Variants in GRAMD4 observed in about 807,000 individuals in gnomAD.
GRAMD4 encodes the protein GRAM domain containing 4.
Under a neutral mutation model 83.9 loss-of-function variants are expected in GRAMD4, and 25 were observed. The observed-to-expected ratio is 0.30, with a 90% CI of 0.22 to 0.42. The LOEUF (loss-of-function observed/expected upper bound fraction) is 0.42, where lower values mean the gene tolerates loss of function less well. Ranked by LOEUF, GRAMD4 falls within the 10% of genes least tolerant of loss-of-function variation. The probability of loss-of-function intolerance (pLI) is 1.00; values close to 1 mark genes in which losing one functional copy is unlikely to be tolerated. For synonymous variants in GRAMD4, 336 were observed against 320.9 expected (o/e 1.05, Z -0.50); for missense variants, 593 against 788.7 (o/e 0.75, Z 2.97).
At chr22:46,674,481 T>G (rs2082564095) in intron 15 of GRAMD4, 176 bp from the exon 16 acceptor site, 1 of 632,088 alleles carries the variant, frequency 1.6e-6, no homozygotes, top group Non-Finnish European at 2.9e-6. Flanking sequence ...AACATCTGTT[T>G]TCCACCCTCT....
chr22:46,651,653 C>T (rs745386425), intron 3 of GRAMD4, among the ~76,000 whole-genome samples: 10 of 152,178 alleles, frequency 6.6e-5, no homozygotes, highest in South Asian at 2.1e-4. Flanking sequence ...GCAGGTGCCC[C>T]GTGCTGCCAT....
At position 46,622,870 on chromosome 22, in the gene GRAMD4, CCA is replaced by C. The variant is rs1264748000; in HGVS notation, c.-50+2307_-50+2308del. Among the ~76,000 whole-genome samples the C allele has an allele frequency of 6.7e-6, 1 of 150,166 alleles. No homozygotes were observed. Among genetic ancestry groups the C allele is most frequent in the Non-Finnish European group, 1.5e-5 (1 of 67,794 alleles). On this transcript the variant is annotated intron_variant, in intron 1 of 18. Coordinates refer to ENST00000406902, the MANE Select transcript of GRAMD4 (RefSeq NM_015124.5). This position sits in a 1 kb window ranked among gnomAD's most constrained non-coding sequence, Gnocchi z 4.0. ...GATCTTGCAGTGAGCCGAGATCACG[CCA>C]CTGCACTCCAGCCTGGGCGACAGAG... is the stretch of plus-strand genomic sequence containing the variant.
intron 1 of GRAMD4, among the ~76,000 whole-genome samples, chr22:46,602,844 G>A (rs1482864247): frequency 5.7e-5 from 8 of 141,306 alleles, no homozygotes; most frequent in Non-Finnish European, 1.2e-4. Context: ...TTGGGTTCAA[G>A]CAATTCTCCT....
rs1399573425 is a variant in GRAMD4, at chr22:46,679,145, C to A, written c.*1894C>A. 1.0e-6 allele frequency: 1 copy of A among 985,394 alleles called. No individual in the cohort carries two copies. 61.0% of individuals were successfully genotyped at this position (985,394 alleles called of 1,614,324 possible). A position where few individuals can be genotyped will look rare whatever the true frequency, so the allele number is the denominator to read the frequency against. On this transcript the variant is annotated 3_prime_UTR_variant, in exon 19 of 19. Coordinates refer to ENST00000406902, the MANE Select transcript of GRAMD4 (RefSeq NM_015124.5). The stretch of plus-strand genomic sequence containing the variant: ...GCCCGCAGACAATGGCCACACCTCT[C>A]TCCCCAGGGCCCGGCAGTGCCCAAG...
In GRAMD4 at chr22:46,668,879, TC is replaced by T; in HGVS notation, c.1059del (p.Tyr354ThrfsTer100). 1 of 1,608,048 alleles carries T rather than the reference TC, an allele frequency of 6.2e-7. No individual in the cohort carries two copies. The highest frequency in any genetic ancestry group is 8.5e-7 in the Non-Finnish European group (1 of 1,175,512). On this transcript the variant is annotated frameshift_variant, in exon 13 of 19. Transcript: ENST00000406902. LOFTEE classifies it high-confidence loss of function. ...LWAAFLASCF[F>X]PYRLVGLAVG... ...GCTGCCTTCCTGGCCTCCTGCTTCT[TC>T]CCCTACCGCCTGGTGGGGCTTGCCG...
At chr22:46,658,162 C>A in intron 3 of GRAMD4, 25 bp from the exon 4 acceptor site, 1 of 1,613,190 alleles carries the variant, frequency 6.2e-7, no homozygotes, top group South Asian at 1.1e-5. Context: ...GAGCGATGGT[C>A]ACCTGGCCGT....
At chr22:46,591,996 T>G (rs1231959190) in intron 1 of GRAMD4, among the ~76,000 whole-genome samples, 3 of 150,610 alleles carry the variant, frequency 2.0e-5, no homozygotes, top group East Asian at 2.0e-4. Context: ...CCTGCAGGCT[T>G]GACACAGCAA....
chr22:46,581,072 C>T (rs1350117092), intron 1 of GRAMD4, among the ~76,000 whole-genome samples: 1 of 152,112 alleles, frequency 6.6e-6, no homozygotes, highest in Non-Finnish European at 1.5e-5. Flanking sequence ...TGGCAGAGGC[C>T]TGGGCGGACA....
intron 17 of GRAMD4, among the ~76,000 whole-genome samples, chr22:46,676,265 G>A (rs936310222): frequency 6.6e-5 from 10 of 152,224 alleles, no homozygotes; most frequent in Admixed American, 5.9e-4. Context: ...TGGCGGTGCT[G>A]ACAGATGGCC....
rs2082645532 is a variant in GRAMD4, at chr22:46,679,466, CA to C, written c.*2216del. 2 of 985,534 alleles carry C rather than the reference CA, an allele frequency of 2.0e-6. No homozygotes were observed. Among genetic ancestry groups the C allele is most frequent in the South Asian group, 9.4e-5 (2 of 21,286 alleles). 61.0% of individuals were successfully genotyped at this position (985,534 alleles called of 1,614,324 possible). A position where few individuals can be genotyped will look rare whatever the true frequency, so the allele number is the denominator to read the frequency against. ...TCCTCGGGAGCGGAGCGCGGATCGG[CA>C]CGGGCTCTGGGCTCCCCGTGGAGAG... On this transcript the variant is annotated 3_prime_UTR_variant, in exon 19 of 19. Transcript: ENST00000406902.
chr22:46,665,505 G>A (rs774394644), intron 8 of GRAMD4, 110 bp from the exon 9 acceptor site: 46 of 629,720 alleles, frequency 7.3e-5, no homozygotes, highest in South Asian at 3.7e-4. Context: ...GAGAGCCAGC[G>A]GGTGGCCTGG....
Position 46,679,140 on chromosome 22 carries a change from C to A in GRAMD4, c.*1889C>A. Reference sequence around the variant, plus strand: ...GCAGTGCCCGCAGACAATGGCCACACCTCTCTCCCCAGGGCCCGGCAGTGC... The same window carrying A: ...GCAGTGCCCGCAGACAATGGCCACAACTCTCTCCCCAGGGCCCGGCAGTGC... On this transcript the variant is annotated 3_prime_UTR_variant, in exon 19 of 19. Coordinates refer to ENST00000406902, the MANE Select transcript of GRAMD4 (RefSeq NM_015124.5). The A allele has an allele frequency of 1.0e-6, 1 of 985,514 alleles. No homozygotes were observed. 61.0% of individuals were successfully genotyped at this position (985,514 alleles called of 1,614,324 possible). A position where few individuals can be genotyped will look rare whatever the true frequency, so the allele number is the denominator to read the frequency against.
At chr22:46,577,777 C>T (rs1247015962) in intron 1 of GRAMD4, among the ~76,000 whole-genome samples, 3 of 152,236 alleles carry the variant, frequency 2.0e-5, no homozygotes, top group Admixed American at 2.0e-4. Context: ...CCCCTCCGTG[C>T]ACCCCACTTT....
intron 3 of GRAMD4, among the ~76,000 whole-genome samples, chr22:46,643,140 C>CG (rs1569283829): frequency 4.9e-5 from 2 of 40,582 alleles, no homozygotes; most frequent in Admixed American, 2.6e-4. Context: ...TCCATGCATC[C>CG]TTCCATCCAT....
Position 46,672,373 on chromosome 22 carries a change from T to TG in GRAMD4, c.1085-463dup, listed in dbSNP as rs553739545. On this transcript the variant is annotated intron_variant, in intron 13 of 18. Transcript: ENST00000406902. The surrounding 1 kb of genome is among the most constrained non-coding windows in gnomAD (Gnocchi z 4.7). Reference sequence around the variant, plus strand: ...CCTCTCAGCAGGGATGGGCTGGGCGTGGGGGGGCACCCAGTTGAAGAAGGG... The same window carrying TG: ...CCTCTCAGCAGGGATGGGCTGGGCGTGGGGGGGGCACCCAGTTGAAGAAGGG... 1.2e-4 allele frequency among the ~76,000 whole-genome samples: 11 copies of TG among 88,800 alleles called. No homozygotes were observed. The highest frequency in any genetic ancestry group is 2.6e-4 in the African/African-American group (6 of 22,776). 58.3% of individuals were successfully genotyped at this position (88,800 alleles called of 152,430 possible).
chr22:46,671,642 C>T lies in GRAMD4; in HGVS notation c.1085-1201C>T, dbSNP rs571735382. On this transcript the variant is annotated intron_variant, in intron 13 of 18. Coordinates refer to ENST00000406902, the MANE Select transcript of GRAMD4 (RefSeq NM_015124.5). Reference sequence around the variant, plus strand: ...CTGCACTCCTGCCTGGGCGACAGAGCAAGACTCCGTCTCAAAAATAAAATA... The same window carrying T: ...CTGCACTCCTGCCTGGGCGACAGAGTAAGACTCCGTCTCAAAAATAAAATA... 7.0e-4 allele frequency among the ~76,000 whole-genome samples: 105 copies of T among 149,602 alleles called. 1 individual carries two copies. The highest frequency in any genetic ancestry group is 2.5e-3 in the African/African-American group (100 of 40,150).
Position 46,662,967 on chromosome 22 carries a change from G to A in GRAMD4, c.467-73G>A, listed in dbSNP as rs2082350689. On this transcript the variant is annotated intron_variant, in intron 5 of 18. Transcript: ENST00000406902. Reference sequence around the variant, plus strand: ...TTGCAGTGAGGCCCCTCCCTGCCCTGAGATCCCGGAGCCGACCCCAGAACA... The same window carrying A: ...TTGCAGTGAGGCCCCTCCCTGCCCTAAGATCCCGGAGCCGACCCCAGAACA... 2.8e-6 allele frequency: 4 copies of A among 1,452,192 alleles called. No individual in the cohort carries two copies. In the Admixed American group the frequency reaches 8.4e-5, roughly 31 times the overall value. 90.0% of individuals were successfully genotyped at this position (1,452,192 alleles called of 1,614,324 possible).
At position 46,668,745 on chromosome 22, in the gene GRAMD4, C is replaced by T. The variant is rs2082451841; in HGVS notation, c.974+13C>T. 1 of 827,510 alleles carries T rather than the reference C, an allele frequency of 1.2e-6. No homozygotes were observed. The highest frequency in any genetic ancestry group is 1.3e-5 in the South Asian group (1 of 75,488). The allele number at this position is 827,510 out of a possible 1,614,324, so 51.3% of individuals were successfully genotyped here. Reference sequence around the variant, plus strand: ...AGAAGATCAAGAAGTAAGTCCCGCCCCCCACCCCGGCCCTGCGGCGCCCGC... The same window carrying T: ...AGAAGATCAAGAAGTAAGTCCCGCCTCCCACCCCGGCCCTGCGGCGCCCGC... On this transcript the variant is annotated intron_variant, in intron 12 of 18. Coordinates refer to ENST00000406902, the MANE Select transcript of GRAMD4 (RefSeq NM_015124.5).
Position 46,614,856 on chromosome 22 carries a change from T to C in GRAMD4, c.-49-11895T>C. The stretch of plus-strand genomic sequence containing the variant: ...GTTCTCCTGTGCTTGTAGCTTCCCC[T>C]GTGCATGTAGGTTCCCCTGTGCGTG... On this transcript the variant is annotated intron_variant, in intron 1 of 1. Coordinates refer to the GRAMD4 transcript ENST00000431155. 2.3e-5 allele frequency among the ~76,000 whole-genome samples: 3 copies of C among 133,126 alleles called. No homozygotes were observed. The South Asian group carries it at 7.8e-4, about 34-fold the overall frequency. The allele number at this position is 133,126 out of a possible 152,430, so 87.3% of individuals were successfully genotyped here. A position where few individuals can be genotyped will look rare whatever the true frequency, so the allele number is the denominator to read the frequency against.
Sources: gnomAD v4.1 joint callset for allele counts (sites outside exome capture counted in the v4.1 genomes callset) on GRCh38, gnomAD v4.1.1 for gene constraint, Gnocchi (gnomAD v3.1) non-coding constraint, MANE v1.5 for transcripts, NCBI Gene and HGNC (gene_info 2026-07-23, HGNC 2026-07-21) for gene names.